The following CCDC141 variants were observed in gnomAD, a reference collection of about 807,000 sequenced individuals.
The protein encoded by CCDC141 is coiled-coil domain-containing protein 141.
In CCDC141, 168 loss-of-function variants were observed where a neutral mutation model predicts 181.0. The observed-to-expected ratio is 0.93, with a 90% confidence interval of 0.82 to 1.05. The LOEUF is 1.05. CCDC141 is among the 50% of genes least tolerant of loss of function. The pLI, the probability that CCDC141 is intolerant of heterozygous loss-of-function variation, is 0.00. For synonymous variants in CCDC141, 666 were observed against 642.3 expected, an observed-to-expected ratio of 1.04 and a Z score of -0.56; for missense variants, 1,902 against 1,788.5, an observed-to-expected ratio of 1.06 and a Z score of -1.14.
At chr2:179,038,760 G>C (rs1353092666) in intron 2 of CCDC141, among the ~76,000 whole-genome samples, 1 of 152,116 alleles carries the variant, frequency 6.6e-6, no homozygotes, top group East Asian at 1.9e-4. Flanking sequence ...AAATTTATGA[G>C]AGTCAAATTA....
intron 22 of CCDC141, among the ~76,000 whole-genome samples, chr2:178,839,592 AAAAAAAAAAAAAAAAT>A (rs1684637507): frequency 1.3e-5 from 2 of 149,546 alleles, no homozygotes; most frequent in Admixed American, 1.3e-4. Flanking sequence ...AAAAAAAAAA[AAAAAAAAAAAAAAAAT>A]GTGTTTTCAG....
intron 5 of CCDC141, among the ~76,000 whole-genome samples, chr2:178,960,190 G>A (rs1224188510): frequency 3.3e-5 from 5 of 152,182 alleles, no homozygotes. Flanking sequence ...CACTGAATTA[G>A]AAGAAAATTT....
chr2:179,020,405 T>C (rs17453682), intron 2 of CCDC141, among the ~76,000 whole-genome samples: 5,099 of 152,216 alleles, frequency 0.033, 100 homozygotes, highest in South Asian at 0.06. Context: ...GGGCCAGTCT[T>C]AGGCTTACCT....
chr2:179,023,316 A>G (rs924649468), intron 2 of CCDC141, among the ~76,000 whole-genome samples: 2 of 152,180 alleles, frequency 1.3e-5, no homozygotes, highest in Non-Finnish European at 2.9e-5. Context: ...AGATGAGGAA[A>G]CTGAGGCAGA....
At chr2:178,850,456 T>C (rs990919224) in intron 20 of CCDC141, among the ~76,000 whole-genome samples, 1 of 152,252 alleles carries the variant, frequency 6.6e-6, no homozygotes, top group Admixed American at 6.5e-5. Context: ...AAACATTCAG[T>C]GGTTCCTCTC....
rs546255472 is a variant in CCDC141, at chr2:178,906,758, T to A, written c.1093-1257A>T. Among the ~76,000 whole-genome samples the A allele has an allele frequency of 3.9e-5, 6 of 152,266 alleles. No homozygotes were observed. The East Asian group carries it at 1.2e-3, about 29-fold the overall frequency. On this transcript the variant is annotated intron_variant, in intron 7 of 23. Transcript: ENST00000443758. ...AAAGAAATGAGAACAGGTGGGCTCATGAGTCCAGTACCACTAAGACCTGAA... is the reference window on the plus strand; with the variant it reads ...AAAGAAATGAGAACAGGTGGGCTCAAGAGTCCAGTACCACTAAGACCTGAA...
At position 179,025,834 on chromosome 2, in the gene CCDC141, C is replaced by T. The variant is rs2042828142; in HGVS notation, c.225+21450G>A. 2.6e-5 allele frequency among the ~76,000 whole-genome samples: 4 copies of T among 152,072 alleles called. No individual in the cohort carries two copies. The South Asian group carries it at 8.3e-4, about 32-fold the overall frequency. ...GCCACAGTGATATGGACAATAAAGTCCAGGCTGAGGTGGTCTCAAATGGAA... is the reference window on the plus strand; with the variant it reads ...GCCACAGTGATATGGACAATAAAGTTCAGGCTGAGGTGGTCTCAAATGGAA... On this transcript the variant is annotated intron_variant, in intron 2 of 23. Coordinates refer to ENST00000443758, the MANE Select transcript of CCDC141 (RefSeq NM_173648.4).
At chr2:178,838,281 G>A (rs986177629) in intron 22 of CCDC141, among the ~76,000 whole-genome samples, 1 of 152,210 alleles carries the variant, frequency 6.6e-6, no homozygotes, top group Non-Finnish European at 1.5e-5. Context: ...CCATGTTTAA[G>A]TGTACGGCTC....
intron 2 of CCDC141, among the ~76,000 whole-genome samples, chr2:179,006,637 T>C (rs2042130593): frequency 2.0e-5 from 3 of 152,166 alleles, no homozygotes; most frequent in African/African-American, 7.2e-5. Flanking sequence ...CTTTTTTGTC[T>C]AACACATTTC....
intron 11 of CCDC141, among the ~76,000 whole-genome samples, chr2:178,884,568 T>G (rs1396190121): frequency 6.6e-6 from 1 of 152,170 alleles, no homozygotes; most frequent in Non-Finnish European, 1.5e-5. Flanking sequence ...TCACTGCCTA[T>G]CCTCCCTCCT....
At chr2:178,917,661 G>A (rs1281063926) in intron 7 of CCDC141, among the ~76,000 whole-genome samples, 1 of 152,144 alleles carries the variant, frequency 6.6e-6, no homozygotes, top group Non-Finnish European at 1.5e-5. Context: ...ATTGGAAAAG[G>A]TAGAAAAAAT....
At chr2:178,895,709 T>C (rs1281223717) in intron 8 of CCDC141, among the ~76,000 whole-genome samples, 3 of 152,220 alleles carry the variant, frequency 2.0e-5, no homozygotes, top group African/African-American at 7.2e-5. Context: ...TCATAAGAAC[T>C]CAACTTTGTA....
At chr2:178,978,443 G>A (rs1167495595) in intron 3 of CCDC141, 41 bp downstream of exon 3, 12 of 1,253,176 alleles carry the variant, frequency 9.6e-6, no homozygotes, top group South Asian at 2.2e-5. Flanking sequence ...CTATTCATTT[G>A]CTCTGATGTG....
intron 2 of CCDC141, among the ~76,000 whole-genome samples, chr2:179,027,257 A>G (rs1270422303): frequency 6.6e-6 from 1 of 152,042 alleles, no homozygotes; most frequent in African/African-American, 2.4e-5. Context: ...CATGGGAGGA[A>G]CCCAGTGGGA....
At chr2:179,045,981 T>C (rs917277954) in intron 2 of CCDC141, among the ~76,000 whole-genome samples, 3 of 152,198 alleles carry the variant, frequency 2.0e-5, no homozygotes, top group Non-Finnish European at 2.9e-5. Flanking sequence ...TTCAACTTCT[T>C]GGTTTCATTT....
At chr2:179,016,619 T>C (rs150287454) in intron 2 of CCDC141, among the ~76,000 whole-genome samples, 3 of 152,298 alleles carry the variant, frequency 2.0e-5, no homozygotes, top group Admixed American at 1.3e-4. Context: ...AGTATGCTTT[T>C]ACTAACTATT....
intron 2 of CCDC141, among the ~76,000 whole-genome samples, chr2:179,026,616 C>A (rs2042853384): frequency 2.0e-5 from 3 of 152,206 alleles, no homozygotes; most frequent in Non-Finnish European, 2.9e-5. Flanking sequence ...CCCCCAGCAG[C>A]AGTGCCTAGT....
rs139385591 is a variant in CCDC141 at position 178,934,026 on chromosome 2, T to C, written c.897+10509A>G. Reference sequence around the variant, plus strand: ...AACAGAAACTCCAACATTTTAAGATTGACATTTTTTTTTAGGCTGGATGCC... The same window carrying C: ...AACAGAAACTCCAACATTTTAAGATCGACATTTTTTTTTAGGCTGGATGCC... On this transcript the variant is annotated intron_variant, in intron 6 of 23. Coordinates refer to ENST00000443758, the MANE Select transcript of CCDC141 (RefSeq NM_173648.4). Among the ~76,000 whole-genome samples, 166 of 152,244 alleles carry C rather than the reference T, an allele frequency of 1.1e-3. 2 individuals carry two copies. In the Middle Eastern group the frequency reaches 0.02, roughly 19 times the overall value.
At chr2:178,945,959 T>C (rs1689715258) in intron 5 of CCDC141, among the ~76,000 whole-genome samples, 1 of 152,116 alleles carries the variant, frequency 6.6e-6, no homozygotes, top group Admixed American at 6.6e-5. Flanking sequence ...TCAAAAGGTC[T>C]ACACCAACTC....
Sources: allele counts gnomAD v4.1 joint callset (sites outside exome capture counted in the v4.1 genomes callset), GRCh38; gene constraint gnomAD v4.1.1; transcripts MANE v1.5; gene names NCBI Gene and HGNC (gene_info 2026-07-23, HGNC 2026-07-21).